The following LCA5L variants were observed in gnomAD, a reference collection of about 807,000 sequenced individuals.
The protein encoded by LCA5L is lebercilin LCA5 like.
Under a neutral mutation model 45.4 loss-of-function variants are expected in LCA5L, and 35 were observed. That is an observed-to-expected ratio of 0.77 (90% confidence interval 0.59 to 1.02). The LOEUF is 1.02. LCA5L is among the 50% of genes least tolerant of loss of function. The pLI is 0.00. For missense variants in LCA5L, 668 were observed against 761.6 expected, an observed-to-expected ratio of 0.88 and a Z score of 1.45; for synonymous variants, 233 against 264.7, an observed-to-expected ratio of 0.88 and a Z score of 1.16.
chr21:39,416,335 T>C (rs1309563911), intron 7 of LCA5L, among the ~76,000 whole-genome samples: 2 of 152,256 alleles, frequency 1.3e-5, no homozygotes, highest in Non-Finnish European at 2.9e-5. Flanking sequence ...GTTATCTTTA[T>C]TGATCCTCAA....
At chr21:39,421,907 G>T (rs78146041) in intron 6 of LCA5L, 5 of 152,072 alleles carry the variant, frequency 3.3e-5, no homozygotes, top group African/African-American at 1.2e-4. Flanking sequence ...ATTTGTTTTG[G>T]TTTTATGTAT....
chr21:39,428,454 G>T lies in LCA5L; in HGVS notation c.40C>A (p.His14Asn). ...TTTTCTAATGCCACGCCGAAGAAAT[G>T]CTCATCTATATTTGTTTTTGTTAGA... ...ADLTKTNIDE[H>N]FFGVALENNR... The change falls in exon 5 of 11, where the codon CAT becomes AAT. Residue 14 changes from histidine to asparagine, a missense_variant. Transcript: ENST00000288350. The T allele has an allele frequency of 6.2e-7, 1 of 1,610,492 alleles. No homozygotes were observed. The highest frequency in any genetic ancestry group is 8.5e-7 in the Non-Finnish European group (1 of 1,179,066).
intron 2 of LCA5L, among the ~76,000 whole-genome samples, chr21:39,440,606 A>C (rs2076741242): frequency 6.6e-6 from 1 of 152,216 alleles, no homozygotes; most frequent in African/African-American, 2.4e-5. Flanking sequence ...TCAAATGCAA[A>C]GGGAAAACAG....
At chr21:39,424,408 G>C (rs1309092743) in intron 5 of LCA5L, among the ~76,000 whole-genome samples, 1 of 152,146 alleles carries the variant, frequency 6.6e-6, no homozygotes, top group Non-Finnish European at 1.5e-5. Context: ...TTGAGCCCAG[G>C]AGTTTGAGGC....
Position 39,405,753 on chromosome 21 carries a change from A to G in LCA5L, c.*129T>C. ...TTAGCAATCAAACAAAAATTTAATT[A>G]TCGAAAGTCAATTAAGTACTAAAAC... On this transcript the variant is annotated 3_prime_UTR_variant, in exon 11 of 11. Coordinates refer to ENST00000288350, the MANE Select transcript of LCA5L (RefSeq NM_152505.4). 1 of 624,834 alleles carries G rather than the reference A, an allele frequency of 1.6e-6. No homozygotes were observed. Among genetic ancestry groups the G allele is most frequent in the South Asian group, 4.4e-5 (1 of 22,486 alleles). 38.7% of individuals were successfully genotyped at this position (624,834 alleles called of 1,614,324 possible).
chr21:39,411,070 T>C (rs2147192545), intron 8 of LCA5L: 1 of 363,292 alleles, frequency 2.8e-6, no homozygotes, highest in South Asian at 2.1e-5. Context: ...GGCATCAATA[T>C]AGATGAATCT....
intron 3 of LCA5L, among the ~76,000 whole-genome samples, chr21:39,433,145 G>A (rs548633138): frequency 5.3e-5 from 8 of 152,236 alleles, no homozygotes; most frequent in Admixed American, 3.3e-4. Flanking sequence ...GGCCGGGCAC[G>A]GTGGCTCATG....
intron 2 of LCA5L, among the ~76,000 whole-genome samples, chr21:39,440,291 G>A (rs1009935988): frequency 6.6e-6 from 1 of 152,180 alleles, no homozygotes; most frequent in African/African-American, 2.4e-5. Context: ...AAGGGCACAG[G>A]AGCCAGCTTT....
chr21:39,420,913 A>T (rs1464297970), intron 6 of LCA5L, 70 bp from the exon 7 acceptor site: 1 of 1,189,750 alleles, frequency 8.4e-7, no homozygotes, highest in Non-Finnish European at 1.2e-6. Context: ...TTATCATGGA[A>T]CTAACTACAT....
At position 39,428,204 on chromosome 21, in the gene LCA5L, T is replaced by C. The variant is rs202237166; in HGVS notation, c.290A>G (p.Lys97Arg). The C allele has an allele frequency of 1.1e-5, 17 of 1,597,418 alleles. No homozygotes were observed. The East Asian group carries it at 3.8e-4, about 36-fold the overall frequency. ...QPVVKEKEKK[K>R]YNVSKISQSK... Reference sequence around the variant, plus strand: ...TTGGGAGATTTTAGAAACATTATACTTTTTCTTCTCCTTTTCTTTTACCAC... The same window carrying C: ...TTGGGAGATTTTAGAAACATTATACCTTTTCTTCTCCTTTTCTTTTACCAC... Residue 97 changes from lysine (K) to arginine (R), a missense_variant, in exon 5 of 11, where the codon AAG becomes AGG. Coordinates refer to ENST00000288350, the MANE Select transcript of LCA5L (RefSeq NM_152505.4).
intron 10 of LCA5L, chr21:39,407,708 C>T (rs1349215084): frequency 6.6e-6 from 1 of 152,226 alleles, no homozygotes; most frequent in Non-Finnish European, 1.5e-5. Context: ...TTTGCTTCCT[C>T]CTGTCTCCCT....
chr21:39,428,341 A>G lies in LCA5L; in HGVS notation c.153T>C (p.Tyr51=), dbSNP rs2147923473. The G allele has an allele frequency of 1.9e-6, 3 of 1,613,722 alleles. No homozygotes were observed. Among genetic ancestry groups the G allele is most frequent in the East Asian group, 4.5e-5 (2 of 44,840 alleles). ...NSNASNKSVD[Y]SRSQCSCGSL... ...TTCCACAGGAGCACTGAGATCTGCTATAATCAACACTCTTATTGGAAGCAT... is the reference window on the plus strand; with the variant it reads ...TTCCACAGGAGCACTGAGATCTGCTGTAATCAACACTCTTATTGGAAGCAT... The change falls in exon 5 of 11, where the codon TAT becomes TAC. Residue 51 remains tyrosine, a synonymous_variant. Coordinates refer to ENST00000288350, the MANE Select transcript of LCA5L (RefSeq NM_152505.4).
intron 5 of LCA5L, 132 bp downstream of exon 5, chr21:39,428,040 G>A: frequency 1.6e-6 from 1 of 611,036 alleles, no homozygotes; most frequent in Non-Finnish European, 2.9e-6. Context: ...TTCTATAAAA[G>A]TTCACCTATA....
chr21:39,409,722 A>T lies in LCA5L; in HGVS notation c.1282+257T>A, dbSNP rs531300435. ...ATTTTCCTGCCTCAGCCTCCTGAGT[A>T]GCTGGGATTACAGGCACATACCGCC... On this transcript the variant is annotated intron_variant, in intron 10 of 10. Coordinates refer to ENST00000288350, the MANE Select transcript of LCA5L (RefSeq NM_152505.4). This position sits in a 1 kb window ranked among gnomAD's most constrained non-coding sequence, Gnocchi z 4.2. Among the ~76,000 whole-genome samples, 1 of 152,140 alleles carries T rather than the reference A, an allele frequency of 6.6e-6. No individual in the cohort carries two copies. The highest frequency in any genetic ancestry group is 2.4e-5 in the African/African-American group (1 of 41,508).
intron 3 of LCA5L, among the ~76,000 whole-genome samples, chr21:39,432,301 T>C (rs899262269): frequency 3.9e-5 from 6 of 152,138 alleles, no homozygotes; most frequent in African/African-American, 1.4e-4. Context: ...TTAATATTAA[T>C]GGCATAGTCT....
At chr21:39,443,942 A>G (rs1331516860) in intron 2 of LCA5L, 193 bp downstream of exon 2, 1 of 151,830 alleles carries the variant, frequency 6.6e-6, no homozygotes, top group Non-Finnish European at 1.5e-5. Flanking sequence ...GAGGCAGGAG[A>G]ATTGCTTGAG....
chr21:39,419,736 T>C (rs1223743996), intron 7 of LCA5L, among the ~76,000 whole-genome samples: 1 of 151,912 alleles, frequency 6.6e-6, no homozygotes, highest in Admixed American at 6.6e-5. Context: ...TCCTTAAAAA[T>C]AAAAAAGTTA....
chr21:39,418,379 C>T (rs2095326215), intron 7 of LCA5L, among the ~76,000 whole-genome samples: 1 of 152,122 alleles, frequency 6.6e-6, no homozygotes, highest in Non-Finnish European at 1.5e-5. Context: ...TGTGGAGGTA[C>T]ATTTAATTTT....
At chr21:39,419,825 T>G (rs1166052729) in intron 7 of LCA5L, among the ~76,000 whole-genome samples, 3 of 152,218 alleles carry the variant, frequency 2.0e-5, no homozygotes, top group Non-Finnish European at 4.4e-5. Context: ...GCATCTTATC[T>G]AAATTGTTGG....
Sources: allele counts gnomAD v4.1 joint callset (sites outside exome capture counted in the v4.1 genomes callset), GRCh38; gene constraint gnomAD v4.1.1; non-coding constraint Gnocchi (gnomAD v3.1); transcripts MANE v1.5; gene names NCBI Gene and HGNC (gene_info 2026-07-23, HGNC 2026-07-21).